Variants in CEP295 observed in about 807,000 individuals in gnomAD.
CEP295 encodes centrosomal protein of 295 kDa.
A neutral mutation model predicts 291.6 loss-of-function variants in CEP295; 190 were observed. The ratio of observed to expected loss-of-function variants is 0.65; its 90% CI spans 0.58 to 0.73. The LOEUF (loss-of-function observed/expected upper bound fraction) is 0.73. CEP295 is among the 30% of genes least tolerant of loss of function. The pLI, the probability that CEP295 is intolerant of heterozygous loss-of-function variation, is 0.00. For missense variants in CEP295, 2,863 were observed against 2,949.4 expected, an observed-to-expected ratio of 0.97 and a Z score of 0.68; for synonymous variants, 993 against 1,038.8, an observed-to-expected ratio of 0.96 and a Z score of 0.85.
chr11:93,703,620 C>G, intron 17 of CEP295, among the ~76,000 whole-genome samples: 1 of 150,718 alleles, frequency 6.6e-6, no homozygotes, highest in Non-Finnish European at 1.5e-5. Flanking sequence ...ACTTTCCTAC[C>G]TTCACTGTTC....
intron 23 of CEP295, 124 bp from the exon 24 acceptor site, chr11:93,726,852 A>G (rs1253774318): frequency 5.7e-6 from 4 of 696,506 alleles, no homozygotes; most frequent in Non-Finnish European, 9.5e-6. Flanking sequence ...GTTTATACAC[A>G]TCAACTTTTA....
intron 5 of CEP295, among the ~76,000 whole-genome samples, chr11:93,672,125 A>T (rs140273112): frequency 2.0e-5 from 3 of 152,354 alleles, no homozygotes; most frequent in Admixed American, 6.5e-5. Context: ...GTCCTTTAAT[A>T]GGTAAGTGCG....
At chr11:93,717,890 C>A (rs1268200063) in intron 18 of CEP295, among the ~76,000 whole-genome samples, 1 of 152,112 alleles carries the variant, frequency 6.6e-6, no homozygotes, top group Non-Finnish European at 1.5e-5. Flanking sequence ...CAGAATCATT[C>A]CCAGATTCAG....
intron 22 of CEP295, among the ~76,000 whole-genome samples, 166 bp from the exon 23 acceptor site, chr11:93,725,485 G>A (rs1021490991): frequency 3.9e-5 from 6 of 152,168 alleles, no homozygotes; most frequent in Non-Finnish European, 8.8e-5. Context: ...ACATTTTAAA[G>A]TCTCTTTCAT....
At chr11:93,677,275 C>T (rs140332116) in intron 6 of CEP295, among the ~76,000 whole-genome samples, 3 of 152,030 alleles carry the variant, frequency 2.0e-5, no homozygotes, top group Non-Finnish European at 2.9e-5. Context: ...AATATTTGCA[C>T]GCTTGGCATA....
intron 25 of CEP295, 76 bp downstream of exon 25, chr11:93,728,897 G>C (rs1937837178): frequency 7.7e-7 from 1 of 1,304,006 alleles, no homozygotes; most frequent in South Asian, 1.5e-5. Context: ...CTTATCAGAA[G>C]GTACTCATTG....
At chr11:93,703,304 T>G (rs1290686930) in intron 17 of CEP295, among the ~76,000 whole-genome samples, 1 of 150,232 alleles carries the variant, frequency 6.7e-6, no homozygotes, top group East Asian at 1.9e-4. Context: ...GTTAAACTTA[T>G]AGCAGAAAAA....
chr11:93,728,651 C>T, intron 24 of CEP295, 30 bp from the exon 25 acceptor site: 1 of 1,503,134 alleles, frequency 6.7e-7, no homozygotes, highest in Non-Finnish European at 8.9e-7. Context: ...GCTATTTTGA[C>T]ATGGTTTTCC....
chr11:93,699,408 A>C lies in CEP295; in HGVS notation c.4496A>C (p.Gln1499Pro), dbSNP rs1412345794. 6.4e-7 allele frequency: 1 copy of C among 1,551,698 alleles called. No homozygotes were observed. The highest frequency in any genetic ancestry group is 1.4e-5 in the African/African-American group (1 of 73,076). Residue 1499 changes from glutamine (Q) to proline (P), a missense_variant, in exon 15 of 30, where the codon CAG (glutamine) becomes CCG (proline). This residue lies in a region of CEP295 where 2,295 missense variants were observed against 2,335.7 expected (regional missense o/e 0.98). Coordinates refer to ENST00000325212, the MANE Select transcript of CEP295 (RefSeq NM_033395.2). The stretch of plus-strand genomic sequence containing the variant: ...AAGGTATCTTCTGAGCATTTTATCC[A>C]GTCTCACCATGGTGATTTGCAGGCA... ...EEKVSSEHFI[Q>P]SHHGDLQALQ...
At position 93,729,420 on chromosome 11, in the gene CEP295, TTTC is replaced by T. The variant is rs1565229618; in HGVS notation, c.7303-11_7303-9del. On this transcript the variant is annotated splice_polypyrimidine_tract_variant and intron_variant, in intron 25 of 29. Transcript: ENST00000325212. Reference sequence around the variant, plus strand: ...GTTTAAAAAGAGTAAAACATGCAACTTTCTTGCCATTAGGTGAGTGAGTTTCTG... The same window carrying T: ...GTTTAAAAAGAGTAAAACATGCAACTTTGCCATTAGGTGAGTGAGTTTCTG... 2.0e-6 allele frequency: 3 copies of T among 1,526,068 alleles called. No homozygotes were observed. In the South Asian group the frequency reaches 3.6e-5, roughly 18 times the overall value. The allele number at this position is 1,526,068 out of a possible 1,614,324, so 94.5% of individuals were successfully genotyped here.
At chr11:93,723,498 A>T (rs1953909367) in intron 21 of CEP295, 1 of 412,866 alleles carries the variant, frequency 2.4e-6, no homozygotes, top group East Asian at 4.3e-5. Context: ...ATAGGAGATT[A>T]ATTAGCAAAT....
rs188127486 is a variant in CEP295, at chr11:93,666,517, A to T, written c.-26-165A>T. Among the ~76,000 whole-genome samples the T allele has an allele frequency of 4.2e-3, 638 of 152,244 alleles. 2 individuals carry two copies. The highest frequency in any genetic ancestry group is 0.011 in the South Asian group (51 of 4,816). ...GCTGAGGCATGAGAATCGCTTGAAC[A>T]CGGGAAGCAGAGGTTACAGTAAGCT... On this transcript the variant is annotated intron_variant, in intron 1 of 29. Transcript: ENST00000325212.
intron 18 of CEP295, among the ~76,000 whole-genome samples, chr11:93,720,667 A>G (rs1473601418): frequency 1.3e-5 from 2 of 152,018 alleles, no homozygotes; most frequent in African/African-American, 4.8e-5. Context: ...TTCTCGGTTC[A>G]TTACAACCTC....
intron 8 of CEP295, 25 bp from the exon 9 acceptor site, chr11:93,683,939 C>G: frequency 6.5e-7 from 1 of 1,535,066 alleles, no homozygotes; most frequent in Non-Finnish European, 8.8e-7. Context: ...GGAATGGAAA[C>G]GTGTCTCTAT....
chr11:93,701,594 GTTTT>G (rs1158903011), intron 15 of CEP295, among the ~76,000 whole-genome samples: 1 of 151,776 alleles, frequency 6.6e-6, no homozygotes, highest in African/African-American at 2.4e-5. Flanking sequence ...TTTTTTGTTT[GTTTT>G]TTGTTTGTTT....
intron 21 of CEP295, chr11:93,724,052 CT>C (rs1240470668): frequency 2.6e-6 from 1 of 385,858 alleles, no homozygotes; most frequent in Non-Finnish European, 4.5e-6. Context: ...TATTTTGGAC[CT>C]TTGAAATAAT....
At chr11:93,722,304 A>G (rs1320836033) in intron 20 of CEP295, among the ~76,000 whole-genome samples, 2 of 152,082 alleles carry the variant, frequency 1.3e-5, no homozygotes, top group Non-Finnish European at 2.9e-5. Context: ...CTACAAAAAA[A>G]TACAAAAGTT....
At chr11:93,701,441 GAGA>G (rs1233971284) in intron 15 of CEP295, among the ~76,000 whole-genome samples, 1 of 152,138 alleles carries the variant, frequency 6.6e-6, no homozygotes, top group Non-Finnish European at 1.5e-5. Context: ...CTTTGATGTC[GAGA>G]AGAAGCTTGA....
intron 9 of CEP295, among the ~76,000 whole-genome samples, chr11:93,686,331 A>AAT (rs397820337): frequency 2.0e-5 from 3 of 150,402 alleles, no homozygotes; most frequent in African/African-American, 7.3e-5. Context: ...AAAAAAAAAA[A>AAT]GATATTTTTA....
Sources: gnomAD v4.1 joint callset for allele counts (sites outside exome capture counted in the v4.1 genomes callset) on GRCh38, gnomAD v4.1.1 for gene constraint, gnomAD v4.1.1 regional missense constraint, MANE v1.5 for transcripts, NCBI Gene and HGNC (gene_info 2026-07-23, HGNC 2026-07-21) for gene names.